SCHIP1: variants seen among roughly 807,000 people sequenced by gnomAD.
SCHIP1 encodes schwannomin-interacting protein 1.
A neutral mutation model predicts 29.7 loss-of-function variants in SCHIP1; 8 were observed. The ratio of observed to expected loss-of-function variants is 0.27; its 90% CI spans 0.16 to 0.49. The LOEUF is 0.49. Among genes scored for constraint, SCHIP1 ranks in the 20% least tolerant of loss-of-function variants. The pLI is 0.99. For synonymous variants in SCHIP1, 76 were observed against 94.9 expected, an observed-to-expected ratio of 0.80 and a Z score of 1.16; for missense variants, 193 against 294.6, an observed-to-expected ratio of 0.66 and a Z score of 2.52.
intron 2 of SCHIP1, among the ~76,000 whole-genome samples, chr3:159,885,155 G>T (rs1359000653): frequency 6.6e-6 from 1 of 152,210 alleles, no homozygotes; most frequent in Non-Finnish European, 1.5e-5. Context: ...TCTCAGGTAA[G>T]TTGTTCTTGG....
chr3:159,705,053 T>C, the SCHIP1 span, among the ~76,000 whole-genome samples: 2 of 152,052 alleles, frequency 1.3e-5, no homozygotes, highest in African/African-American at 2.4e-5. Context: ...AACTTCCACA[T>C]CCCGTGTTCA....
the SCHIP1 span, among the ~76,000 whole-genome samples, chr3:159,699,614 C>A: frequency 6.6e-6 from 1 of 152,142 alleles, no homozygotes; most frequent in Non-Finnish European, 1.5e-5. Context: ...CAGGGTGAGG[C>A]AAGGATGGAT....
the SCHIP1 span, among the ~76,000 whole-genome samples, chr3:159,602,842 A>G: frequency 2.0e-5 from 3 of 152,194 alleles, no homozygotes; most frequent in Non-Finnish European, 4.4e-5. Context: ...GACTTCTGTG[A>G]CCAAATGTGT....
chr3:159,401,271 G>A, the SCHIP1 span: 1 of 861,668 alleles, frequency 1.2e-6, no homozygotes, highest in Non-Finnish European at 1.4e-6. Context: ...AGTAAATGCT[G>A]AGCTTGCATT....
the SCHIP1 span, among the ~76,000 whole-genome samples, chr3:159,640,989 C>T: frequency 0.15 from 22,860 of 152,094 alleles, 4,718 homozygotes; most frequent in African/African-American, 0.47. Flanking sequence ...AAATGACCTT[C>T]GTTGGAATTC....
chr3:159,449,568 T>C, the SCHIP1 span, among the ~76,000 whole-genome samples: 1 of 152,216 alleles, frequency 6.6e-6, no homozygotes, highest in African/African-American at 2.4e-5. Flanking sequence ...ATTTTCATTA[T>C]ATGGATAAGA....
chr3:159,508,619 C>T, the SCHIP1 span, among the ~76,000 whole-genome samples: 4 of 152,176 alleles, frequency 2.6e-5, no homozygotes, highest in Non-Finnish European at 5.9e-5. Context: ...CTGTAAATTT[C>T]CCGCTACACA....
chr3:159,438,570 C>A, the SCHIP1 span, among the ~76,000 whole-genome samples: 1 of 152,070 alleles, frequency 6.6e-6, no homozygotes, highest in East Asian at 1.9e-4. Flanking sequence ...ATTTTCTGCA[C>A]AGATCATCCC....
At chr3:159,449,511 A>C in the SCHIP1 span, among the ~76,000 whole-genome samples, 2 of 152,138 alleles carry the variant, frequency 1.3e-5, no homozygotes, top group African/African-American at 2.4e-5. Flanking sequence ...ACCCTAACAA[A>C]ATAGTTGGAA....
chr3:159,398,843 G>T, the SCHIP1 span: 4 of 271,844 alleles, frequency 1.5e-5, no homozygotes, highest in African/African-American at 9.2e-5. Flanking sequence ...AATATGTTAA[G>T]TTTTTGTTCA....
the SCHIP1 span, among the ~76,000 whole-genome samples, chr3:159,635,334 G>C: frequency 6.6e-6 from 1 of 152,158 alleles, no homozygotes; most frequent in Non-Finnish European, 1.5e-5. Context: ...TGGTAGGGAT[G>C]GGGGGTCTCT....
chr3:159,496,597 A>T, the SCHIP1 span, among the ~76,000 whole-genome samples: 1 of 152,230 alleles, frequency 6.6e-6, no homozygotes, highest in Non-Finnish European at 1.5e-5. Context: ...TTAAAAAGTC[A>T]GGAAACAACA....
the SCHIP1 span, among the ~76,000 whole-genome samples, chr3:159,500,605 T>C: frequency 6.6e-6 from 1 of 151,598 alleles, no homozygotes; most frequent in Non-Finnish European, 1.5e-5. Flanking sequence ...TCCCAGCTAC[T>C]CGGGAGGCTG....
chr3:159,812,484 A>G, the SCHIP1 span, among the ~76,000 whole-genome samples: 10 of 152,356 alleles, frequency 6.6e-5, no homozygotes, highest in Non-Finnish European at 1.2e-4. Context: ...GTAAACGAAC[A>G]GTTTCACAGT....
the SCHIP1 span, among the ~76,000 whole-genome samples, chr3:159,464,958 C>T: frequency 1.1e-4 from 16 of 152,192 alleles, no homozygotes; most frequent in East Asian, 2.9e-3. Flanking sequence ...GTCTGGATCT[C>T]GTTCTCATGT....
At chr3:159,520,143 C>T in the SCHIP1 span, among the ~76,000 whole-genome samples, 1 of 140,310 alleles carries the variant, frequency 7.1e-6, no homozygotes, top group African/African-American at 2.6e-5. Context: ...AAGGCAGAAA[C>T]ATAAACAGGT....
the SCHIP1 span, among the ~76,000 whole-genome samples, chr3:159,819,242 G>A: frequency 2.0e-5 from 3 of 151,632 alleles, no homozygotes; most frequent in African/African-American, 4.8e-5. Context: ...GGAGCTTGGG[G>A]GAGAGAGAGA....
At chr3:159,546,828 A>T in the SCHIP1 span, among the ~76,000 whole-genome samples, 2 of 152,076 alleles carry the variant, frequency 1.3e-5, no homozygotes, top group African/African-American at 4.8e-5. Flanking sequence ...TCATTGATGG[A>T]TATTTGGGTT....
At chr3:159,567,038 C>T in the SCHIP1 span, among the ~76,000 whole-genome samples, 2 of 152,272 alleles carry the variant, frequency 1.3e-5, no homozygotes, top group Admixed American at 6.5e-5. Flanking sequence ...GAAATGGTAT[C>T]TATCACAGTT....
Sources: allele counts gnomAD v4.1 joint callset (sites outside exome capture counted in the v4.1 genomes callset), GRCh38; gene constraint gnomAD v4.1.1; transcripts MANE v1.5; gene names NCBI Gene and HGNC (gene_info 2026-07-23, HGNC 2026-07-21).